VRK1: variants seen among roughly 807,000 people sequenced by gnomAD.
VRK1 encodes the protein VRK serine/threonine kinase 1.
A neutral mutation model predicts 57.1 loss-of-function variants in VRK1; 33 were observed. The observed-to-expected ratio is 0.58, with a 90% CI of 0.44 to 0.77. The LOEUF is 0.77. VRK1 is among the 30% of genes least tolerant of loss of function. The probability of loss-of-function intolerance (pLI) is 0.00; values close to 1 mark genes in which losing one functional copy is unlikely to be tolerated. For synonymous variants in VRK1, 137 were observed against 147.8 expected (o/e 0.93, Z 0.53); for missense variants, 413 against 477.3 (o/e 0.87, Z 1.25).
chr14:96,871,798 T>G (rs1292294478), intron 11 of VRK1, among the ~76,000 whole-genome samples: 1 of 152,202 alleles, frequency 6.6e-6, no homozygotes, highest in Non-Finnish European at 1.5e-5. Context: ...ATCACTTTAA[T>G]AAATTCTAGC....
At chr14:96,801,925 TC>T (rs1419963911) in intron 1 of VRK1, among the ~76,000 whole-genome samples, 2 of 152,060 alleles carry the variant, frequency 1.3e-5, no homozygotes, top group African/African-American at 4.8e-5. Flanking sequence ...CAGAAGAAAA[TC>T]TGTGTATAAG....
At chr14:96,818,562 T>A (rs1385965944) in intron 1 of VRK1, among the ~76,000 whole-genome samples, 2 of 152,230 alleles carry the variant, frequency 1.3e-5, no homozygotes, top group East Asian at 3.8e-4. Flanking sequence ...AATCTATGAA[T>A]TTATGGGATC....
At chr14:96,818,440 G>A (rs1168594658) in intron 1 of VRK1, among the ~76,000 whole-genome samples, 2 of 150,020 alleles carry the variant, frequency 1.3e-5, no homozygotes, top group African/African-American at 5.1e-5. Flanking sequence ...AGTTAGAAAC[G>A]TGAGTCTTCA....
intron 11 of VRK1, among the ~76,000 whole-genome samples, chr14:96,874,930 C>G (rs949257183): frequency 1.4e-4 from 22 of 152,144 alleles, no homozygotes; most frequent in African/African-American, 4.8e-4. Flanking sequence ...AAGGAACATT[C>G]TCAGATGAAG....
At chr14:96,845,329 C>T (rs1201275862) in intron 3 of VRK1, among the ~76,000 whole-genome samples, 2 of 151,994 alleles carry the variant, frequency 1.3e-5, no homozygotes, top group Non-Finnish European at 2.9e-5. Flanking sequence ...AGATCTTTTC[C>T]ACTCTTACAT....
chr14:96,847,395 A>AT lies in VRK1; in HGVS notation c.374+54dup, dbSNP rs1408107783. On this transcript the variant is annotated intron_variant, in intron 5 of 12. Coordinates refer to ENST00000216639, the MANE Select transcript of VRK1 (RefSeq NM_003384.3). ...CTCCTTCCCTTTTGCAACATTCACT[A>AT]TTTAGTTGGTTTAGTCAGTAATTAT... 14 of 1,472,986 alleles carry AT rather than the reference A, an allele frequency of 9.5e-6. No individual in the cohort carries two copies. The African/African-American group carries it at 1.5e-4, about 16-fold the overall frequency. 91.2% of individuals were successfully genotyped at this position (1,472,986 alleles called of 1,614,324 possible). A position where few individuals can be genotyped will look rare whatever the true frequency, so the allele number is the denominator to read the frequency against.
chr14:96,800,098 C>T (rs1885599670), intron 1 of VRK1, among the ~76,000 whole-genome samples: 1 of 151,820 alleles, frequency 6.6e-6, no homozygotes, highest in South Asian at 2.1e-4. Context: ...TGATAGAACC[C>T]TAATAAAACA....
intron 11 of VRK1, among the ~76,000 whole-genome samples, chr14:96,874,836 C>T (rs976604409): frequency 6.6e-6 from 1 of 152,122 alleles, no homozygotes; most frequent in Admixed American, 6.5e-5. Flanking sequence ...GGAACAGAAC[C>T]CATGGTTGCC....
intron 11 of VRK1, among the ~76,000 whole-genome samples, chr14:96,872,893 T>G (rs1888879645): frequency 6.6e-6 from 1 of 152,198 alleles, no homozygotes; most frequent in Non-Finnish European, 1.5e-5. Context: ...AAAATAAGAT[T>G]AACTGATTAG....
At chr14:96,847,164 C>T in intron 4 of VRK1, 93 bp from the exon 5 acceptor site, 1 of 910,672 alleles carries the variant, frequency 1.1e-6, no homozygotes, top group Non-Finnish European at 1.8e-6. Context: ...ATTCTTATTG[C>T]ATGTATAAAT....
At chr14:96,841,218 T>C (rs1026231598) in intron 3 of VRK1, among the ~76,000 whole-genome samples, 1 of 152,200 alleles carries the variant, frequency 6.6e-6, no homozygotes, top group Non-Finnish European at 1.5e-5. Context: ...ATTAGAAATA[T>C]TTCTGTTGTT....
chr14:96,802,796 T>C (rs77328292), intron 1 of VRK1, among the ~76,000 whole-genome samples: 1,589 of 152,386 alleles, frequency 0.01, 22 homozygotes, highest in African/African-American at 0.031. Flanking sequence ...ATTTTATGGC[T>C]GTATCACATT....
intron 1 of VRK1, among the ~76,000 whole-genome samples, chr14:96,830,377 A>AT (rs1886956965): frequency 1.3e-5 from 2 of 150,648 alleles, no homozygotes; most frequent in African/African-American, 2.4e-5. Context: ...GTCCTTTTTG[A>AT]TTTTTTTGTT....
chr14:96,852,900 GT>G lies in VRK1; in HGVS notation c.448del (p.Ser150LeufsTer8). 1 of 1,613,834 alleles carries G rather than the reference GT, an allele frequency of 6.2e-7. No homozygotes were observed. The highest frequency in any genetic ancestry group is 8.5e-7 in the Non-Finnish European group (1 of 1,179,848). ...QKIYEANAKR[F>X]SRKTVLQLSL... ...AAATATATGAAGCAAATGCCAAAAG[GT>G]TTTCTCGGAAAACTGTCTTGCAGCT... On this transcript the variant is annotated frameshift_variant, in exon 6 of 13. Transcript: ENST00000216639. LOFTEE classifies it high-confidence loss of function.
intron 12 of VRK1, among the ~76,000 whole-genome samples, chr14:96,877,089 ATTTTG>A (rs1282505286): frequency 7.4e-6 from 1 of 135,128 alleles, no homozygotes; most frequent in Non-Finnish European, 1.6e-5. Flanking sequence ...TTGAATTATT[ATTTTG>A]TTTGTCCTGA....
chr14:96,861,772 A>G (rs894915991), intron 11 of VRK1, among the ~76,000 whole-genome samples: 3 of 152,116 alleles, frequency 2.0e-5, no homozygotes, highest in Non-Finnish European at 4.4e-5. Flanking sequence ...TTTCTTTGAT[A>G]AGTTTTATCT....
intron 1 of VRK1, among the ~76,000 whole-genome samples, chr14:96,819,037 G>A (rs1354655062): frequency 6.6e-6 from 1 of 152,174 alleles, no homozygotes; most frequent in Non-Finnish European, 1.5e-5. Context: ...CTTTCAAATT[G>A]TTCCTGATGT....
At chr14:96,844,850 T>C (rs1887614813) in intron 3 of VRK1, among the ~76,000 whole-genome samples, 1 of 152,196 alleles carries the variant, frequency 6.6e-6, no homozygotes, top group African/African-American at 2.4e-5. Flanking sequence ...CCAGGCCTTC[T>C]TCTAAGTACT....
intron 1 of VRK1, among the ~76,000 whole-genome samples, chr14:96,832,891 T>A (rs140460178): frequency 5.5e-4 from 83 of 152,252 alleles, no homozygotes; most frequent in African/African-American, 1.8e-3. Context: ...TTTCTGTTGT[T>A]CCACCACTTA....
Sources: gnomAD v4.1 joint callset for allele counts (sites outside exome capture counted in the v4.1 genomes callset) on GRCh38, gnomAD v4.1.1 for gene constraint, MANE v1.5 for transcripts, NCBI Gene and HGNC (gene_info 2026-07-23, HGNC 2026-07-21) for gene names.